The following DLC1 variants were observed in gnomAD, a reference collection of about 807,000 sequenced individuals.
DLC1 encodes rho GTPase-activating protein 7.
DLC1 carries 54 observed loss-of-function variants against 140.3 expected under a neutral mutation model. The ratio of observed to expected loss-of-function variants is 0.38; its 90% CI spans 0.31 to 0.48. The LOEUF (loss-of-function observed/expected upper bound fraction) is 0.48. DLC1 is among the 20% of genes least tolerant of loss of function. DLC1 has a pLI of 0.96. For missense variants in DLC1, 2,536 were observed against 1,907.0 expected (o/e 1.33, Z -6.14); for synonymous variants, 986 against 728.1 (o/e 1.35, Z -5.70).
chr8:13,541,144 T>C (rs1010968651), intron 1 of DLC1, among the ~76,000 whole-genome samples: 33 of 152,216 alleles, frequency 2.2e-4, no homozygotes, highest in African/African-American at 7.7e-4. Context: ...TTCAGACTTT[T>C]TATTGCTGAG....
At chr8:13,349,470 A>G (rs1426218622) in intron 4 of DLC1, among the ~76,000 whole-genome samples, 1 of 152,174 alleles carries the variant, frequency 6.6e-6, no homozygotes, top group African/African-American at 2.4e-5. Context: ...AGTAACACAA[A>G]CCTTTCACTT....
chr8:13,243,917 T>G (rs1223781397), intron 5 of DLC1, among the ~76,000 whole-genome samples: 1 of 152,178 alleles, frequency 6.6e-6, no homozygotes, highest in South Asian at 2.1e-4. Context: ...TATATGCACC[T>G]GTCCTGGGGT....
chr8:13,451,459 G>A (rs1799053915), intron 2 of DLC1, among the ~76,000 whole-genome samples: 1 of 152,034 alleles, frequency 6.6e-6, no homozygotes, highest in Non-Finnish European at 1.5e-5. Context: ...GAAATAGTAG[G>A]TCTTATTCAT....
At chr8:13,451,770 G>C (rs1024644979) in intron 2 of DLC1, among the ~76,000 whole-genome samples, 3 of 152,182 alleles carry the variant, frequency 2.0e-5, no homozygotes, top group Admixed American at 2.0e-4. Context: ...TTCATGTGTT[G>C]ATGGACACTT....
chr8:13,128,397 C>A (rs1047142264), intron 5 of DLC1, among the ~76,000 whole-genome samples: 1 of 152,124 alleles, frequency 6.6e-6, no homozygotes, highest in Non-Finnish European at 1.5e-5. Flanking sequence ...AGGGGACTCA[C>A]AAAAAATTTG....
intron 16 of DLC1, among the ~76,000 whole-genome samples, chr8:13,088,239 C>T (rs112954554): frequency 7.4e-4 from 112 of 151,936 alleles, no homozygotes; most frequent in African/African-American, 2.6e-3. Flanking sequence ...ACCACAACAT[C>T]TAGCTGATTT....
At chr8:13,378,915 CAG>C (rs1368756740) in intron 4 of DLC1, among the ~76,000 whole-genome samples, 5 of 152,022 alleles carry the variant, frequency 3.3e-5, no homozygotes, top group African/African-American at 1.2e-4. Context: ...TGGTGTAACT[CAG>C]AGATATGCTA....
chr8:13,437,034 C>T (rs766976293), intron 2 of DLC1, among the ~76,000 whole-genome samples: 11 of 152,158 alleles, frequency 7.2e-5, no homozygotes, highest in Non-Finnish European at 1.5e-4. Flanking sequence ...TAAAATAGTT[C>T]TCAGTCATCT....
intron 5 of DLC1, among the ~76,000 whole-genome samples, chr8:13,234,952 T>C (rs1196985198): frequency 1.3e-5 from 2 of 151,948 alleles, no homozygotes; most frequent in Admixed American, 1.3e-4. Flanking sequence ...TTAGTAAAAG[T>C]ATGGAGAGCA....
chr8:13,160,313 C>T (rs967452591), intron 5 of DLC1: 8 of 152,198 alleles, frequency 5.3e-5, no homozygotes. Context: ...TGGGGAGACA[C>T]TAACTTTGTG....
rs1001459647 is a variant in DLC1 at position 13,206,502 on chromosome 8, A to G, written c.1349-90845T>C. 2.3e-4 allele frequency among the ~76,000 whole-genome samples: 35 copies of G among 152,304 alleles called. No individual in the cohort carries two copies. In the East Asian group the frequency reaches 5.6e-3, roughly 24 times the overall value. ...TTCATTATGAGCCACTAAAGGGAAG[A>G]AAGACCAATGAGGTGATAGTCTCAA... On this transcript the variant is annotated intron_variant, in intron 5 of 17. Coordinates refer to ENST00000276297, the MANE Select transcript of DLC1 (RefSeq NM_182643.3).
chr8:13,219,161 A>C (rs1353656229), intron 5 of DLC1, among the ~76,000 whole-genome samples: 1 of 54,256 alleles, frequency 1.8e-5, no homozygotes, highest in Non-Finnish European at 3.5e-5. Context: ...TAATTATATG[A>C]ATATAACTAT....
intron 1 of DLC1, among the ~76,000 whole-genome samples, chr8:13,536,477 G>T (rs1324390350): frequency 6.6e-6 from 1 of 152,168 alleles, no homozygotes; most frequent in African/African-American, 2.4e-5. Flanking sequence ...TAAGAAACAA[G>T]CTTCTTCATA....
rs7462299 is a variant in DLC1 at position 13,349,383 on chromosome 8, C to T, written c.1315-44081G>A. ...AGAGCCCTCTCAAAACACATTATAG[C>T]GAAAATGGAAGAAAGAAAGAAAAAA... On this transcript the variant is annotated intron_variant, in intron 4 of 17. Coordinates refer to ENST00000276297, the MANE Select transcript of DLC1 (RefSeq NM_182643.3). Among the ~76,000 whole-genome samples the T allele has an allele frequency of 9.9e-5, 15 of 151,322 alleles. No homozygotes were observed. In the East Asian group the frequency reaches 1.2e-3, roughly 12 times the overall value.
At chr8:13,554,251 G>T (rs1455871240) in intron 1 of DLC1, among the ~76,000 whole-genome samples, 1 of 152,066 alleles carries the variant, frequency 6.6e-6, no homozygotes, top group African/African-American at 2.4e-5. Flanking sequence ...ACTTTTAGTA[G>T]AGATGGGGTT....
At chr8:13,131,123 G>C (rs560332515) in intron 5 of DLC1, among the ~76,000 whole-genome samples, 20 of 152,132 alleles carry the variant, frequency 1.3e-4, no homozygotes, top group Non-Finnish European at 2.8e-4. Context: ...CTGCCTTACA[G>C]GGCACCCCTC....
intron 4 of DLC1, among the ~76,000 whole-genome samples, chr8:13,361,951 G>T (rs1352180604): frequency 6.6e-6 from 1 of 152,148 alleles, no homozygotes. Context: ...TATAGTCAAG[G>T]CAGGAAGAAG....
intron 5 of DLC1, among the ~76,000 whole-genome samples, chr8:13,217,411 G>A (rs1828254369): frequency 6.6e-6 from 1 of 152,154 alleles, no homozygotes; most frequent in African/African-American, 2.4e-5. Flanking sequence ...CTTATAACAT[G>A]TCTCACTAGA....
At position 13,262,701 on chromosome 8, in the gene DLC1, C is replaced by G. The variant is rs183377296; in HGVS notation, c.1348+42568G>C. 2.2e-3 allele frequency among the ~76,000 whole-genome samples: 331 copies of G among 152,286 alleles called. 4 individuals carry two copies. The highest frequency in any genetic ancestry group is 3.4e-4 in the Non-Finnish European group (23 of 68,006). On this transcript the variant is annotated intron_variant, in intron 5 of 17. Coordinates refer to ENST00000276297, the MANE Select transcript of DLC1 (RefSeq NM_182643.3). Reference sequence around the variant, plus strand: ...TCGGCCTCCCAAGGTGCTGGGATTACAGGCATGAGCCACTGCGCCTGGATC... The same window carrying G: ...TCGGCCTCCCAAGGTGCTGGGATTAGAGGCATGAGCCACTGCGCCTGGATC...
Sources: allele counts gnomAD v4.1 joint callset (sites outside exome capture counted in the v4.1 genomes callset), GRCh38; gene constraint gnomAD v4.1.1; transcripts MANE v1.5; gene names NCBI Gene and HGNC (gene_info 2026-07-23, HGNC 2026-07-21).